The following MIER1 variants were observed in gnomAD, a reference collection of about 807,000 sequenced individuals.
MIER1 encodes the protein mesoderm induction early response protein 1.
Under a neutral mutation model 75.7 loss-of-function variants are expected in MIER1, and 40 were observed. The observed-to-expected ratio is 0.53, with a 90% confidence interval of 0.41 to 0.69. MIER1 has a LOEUF of 0.69. Ranked by LOEUF, MIER1 falls within the 30% of genes least tolerant of loss-of-function variation. The probability of loss-of-function intolerance (pLI) is 0.00; values close to 1 mark genes in which losing one functional copy is unlikely to be tolerated. For missense variants in MIER1, 574 were observed against 680.2 expected, an observed-to-expected ratio of 0.84 and a Z score of 1.74; for synonymous variants, 213 against 223.4, an observed-to-expected ratio of 0.95 and a Z score of 0.42.
chr1:66,972,922 A>G lies in MIER1; in HGVS notation c.1032A>G (p.Glu344=). The change falls in exon 11 of 14, where the codon GAA becomes GAG. Residue 344 remains glutamate (E), a synonymous_variant. Transcript: ENST00000401041. ...AREELSVWTE[E]ECRNFEQGLK... The stretch of plus-strand genomic sequence containing the variant: ...AGGAATTATCTGTTTGGACAGAGGA[A>G]GAGTGTAGAAATTTTGAACAAGGGC... 6.2e-7 allele frequency: 1 copy of G among 1,603,312 alleles called. No homozygotes were observed. The highest frequency in any genetic ancestry group is 8.5e-7 in the Non-Finnish European group (1 of 1,170,626).
chr1:66,967,350 C>T (rs920564286), intron 8 of MIER1, among the ~76,000 whole-genome samples: 3 of 152,026 alleles, frequency 2.0e-5, no homozygotes, highest in Admixed American at 1.3e-4. Flanking sequence ...GTGTTCTGTT[C>T]TGTATGTCTT....
Position 66,984,937 on chromosome 1 carries a change from T to A in MIER1, c.*37T>A. On this transcript the variant is annotated 3_prime_UTR_variant, in exon 14 of 14. Transcript: ENST00000401041. ...ATTTTACTTTCTTTGGAGTAAATTC[T>A]GGTGTGACTAAAATTTTCAGGGTTG... 6.5e-7 allele frequency: 1 copy of A among 1,528,642 alleles called. No individual in the cohort carries two copies. The highest frequency in any genetic ancestry group is 8.7e-7 in the Non-Finnish European group (1 of 1,143,972). The allele number at this position is 1,528,642 out of a possible 1,614,324, so 94.7% of individuals were successfully genotyped here.
chr1:66,931,508 C>G (rs915007707), intron 2 of MIER1, among the ~76,000 whole-genome samples: 1 of 152,196 alleles, frequency 6.6e-6, no homozygotes, highest in South Asian at 2.1e-4. Flanking sequence ...TTCACAGGCA[C>G]CCCAAAACAG....
rs1666779060 is a variant in MIER1, at chr1:66,986,353, T to G, written c.*1453T>G. 6.3e-7 allele frequency: 1 copy of G among 1,589,504 alleles called. No homozygotes were observed. The highest frequency in any genetic ancestry group is 1.7e-5 in the Admixed American group (1 of 57,708). ...GTTTTATATAGCTGATAGACCAACC[T>G]ATATCCAAACTTTTATAAAATATTA... On this transcript the variant is annotated 3_prime_UTR_variant, in exon 14 of 14. Coordinates refer to ENST00000401041, the MANE Select transcript of MIER1 (RefSeq NM_001077700.3).
At chr1:66,979,413 C>T (rs1336912031) in intron 12 of MIER1, among the ~76,000 whole-genome samples, 2 of 152,176 alleles carry the variant, frequency 1.3e-5, no homozygotes, top group African/African-American at 2.4e-5. Context: ...GGATGAAACA[C>T]ATTTTCCCCT....
intron 10 of MIER1, among the ~76,000 whole-genome samples, chr1:66,972,265 T>C (rs1570468249): frequency 1.5e-5 from 2 of 137,390 alleles, no homozygotes; most frequent in East Asian, 4.1e-4. Flanking sequence ...TATATATAGA[T>C]ATGTAACAAA....
chr1:66,954,026 C>A (rs1659581401), intron 4 of MIER1, among the ~76,000 whole-genome samples: 1 of 152,104 alleles, frequency 6.6e-6, no homozygotes, highest in African/African-American at 2.4e-5. Context: ...TAGTTGGGTA[C>A]AAGGAATATA....
intron 4 of MIER1, chr1:66,946,933 T>G: frequency 1.0e-6 from 1 of 985,412 alleles, no homozygotes; most frequent in Non-Finnish European, 1.2e-6. Context: ...TGCAGACTCT[T>G]CTTCCGTTAC....
At chr1:66,952,932 G>A (rs997230900) in intron 4 of MIER1, among the ~76,000 whole-genome samples, 3 of 152,126 alleles carry the variant, frequency 2.0e-5, no homozygotes, top group South Asian at 2.1e-4. Flanking sequence ...GGCGTGAGCC[G>A]TGTCCCACCT....
chr1:66,934,546 C>G (rs1039959480), intron 2 of MIER1, among the ~76,000 whole-genome samples: 4 of 149,232 alleles, frequency 2.7e-5, no homozygotes, highest in Admixed American at 1.3e-4. Flanking sequence ...GTAGCTGGGA[C>G]TATAGGCATG....
chr1:66,977,861 T>C (rs965732583), intron 12 of MIER1, among the ~76,000 whole-genome samples: 1 of 152,120 alleles, frequency 6.6e-6, no homozygotes, highest in African/African-American at 2.4e-5. Flanking sequence ...GTCAATGTAC[T>C]CCAGTAAAGA....
chr1:66,981,191 T>A (rs890841511), intron 12 of MIER1, among the ~76,000 whole-genome samples: 2 of 152,174 alleles, frequency 1.3e-5, no homozygotes, highest in African/African-American at 4.8e-5. Context: ...CACAGTTACG[T>A]AGTTCAGGAA....
chr1:66,967,602 C>G (rs1181434729), intron 8 of MIER1, among the ~76,000 whole-genome samples: 1 of 150,930 alleles, frequency 6.6e-6, no homozygotes, highest in African/African-American at 2.4e-5. Context: ...GACATTTTAA[C>G]AACACTGATT....
At position 66,986,104 on chromosome 1, in the gene MIER1, G is replaced by T; in HGVS notation, c.*1204G>T. On this transcript the variant is annotated 3_prime_UTR_variant, in exon 14 of 14. Coordinates refer to ENST00000401041, the MANE Select transcript of MIER1 (RefSeq NM_001077700.3). The stretch of plus-strand genomic sequence containing the variant: ...ATATTGGCACACACAAGGAACAACT[G>T]TTGGCAGGCAGTATCGATTTTATGA... The T allele has an allele frequency of 9.1e-7, 1 of 1,093,834 alleles. No homozygotes were observed. The highest frequency in any genetic ancestry group is 1.1e-6 in the Non-Finnish European group (1 of 899,128). 67.8% of individuals were successfully genotyped at this position (1,093,834 alleles called of 1,614,324 possible).
At position 66,958,171 on chromosome 1, in the gene MIER1, A is replaced by G; in HGVS notation, c.452A>G (p.Asp151Gly). Residue 151 changes from aspartate (D) to glycine (G), a missense_variant, in exon 5 of 14, where the codon GAT becomes GGT. Around this residue, in one of 3 missense-constraint regions of MIER1, gnomAD observed 309 missense variants for 352.8 expected, o/e 0.88. Transcript: ENST00000401041. ...GAAGAGGAAGAAGAAGGTGAAGATG[A>G]TGAAGATGCTGATAATGATGACAAC... The part of the protein sequence containing the change: ...EEEEEEEGED[D>G]EDADNDDNSG... The G allele has an allele frequency of 6.2e-7, 1 of 1,603,256 alleles. No homozygotes were observed. Among genetic ancestry groups the G allele is most frequent in the Non-Finnish European group, 8.5e-7 (1 of 1,170,242 alleles).
chr1:66,939,954 G>T, intron 2 of MIER1, 74 bp from the exon 3 acceptor site: 1 of 1,208,172 alleles, frequency 8.3e-7, no homozygotes, highest in South Asian at 1.3e-5. Flanking sequence ...AGTAGTCATT[G>T]AATAATTTCG....
chr1:66,965,585 A>G (rs544347105), intron 8 of MIER1, among the ~76,000 whole-genome samples: 1 of 152,310 alleles, frequency 6.6e-6, no homozygotes, highest in East Asian at 1.9e-4. Flanking sequence ...GTCTTGATAC[A>G]GGCATGCAGT....
chr1:66,941,338 A>G (rs900475029), intron 3 of MIER1, among the ~76,000 whole-genome samples: 1 of 152,178 alleles, frequency 6.6e-6, no homozygotes, highest in South Asian at 2.1e-4. Flanking sequence ...TTTTATAAGT[A>G]TATCCTGGAT....
rs756116755 is a variant in MIER1, at chr1:66,925,014, C to G, written c.-15C>G. 61 of 1,545,668 alleles carry G rather than the reference C, an allele frequency of 3.9e-5. No individual in the cohort carries two copies. The highest frequency in any genetic ancestry group is 5.1e-5 in the Non-Finnish European group (58 of 1,145,214). The stretch of plus-strand genomic sequence containing the variant: ...CAGGCCCCTCCCAGGCTCTGAGTCT[C>G]CCGGCTGCAGGCGGATGGATGGGGC... On this transcript the variant is annotated 5_prime_UTR_variant, in exon 1 of 14. Transcript: ENST00000401041.
Sources: gnomAD v4.1 joint callset for allele counts (sites outside exome capture counted in the v4.1 genomes callset) on GRCh38, gnomAD v4.1.1 for gene constraint, gnomAD v4.1.1 regional missense constraint, MANE v1.5 for transcripts, NCBI Gene and HGNC (gene_info 2026-07-23, HGNC 2026-07-21) for gene names.